Variants in MAP4K4 observed in about 807,000 individuals in gnomAD.
MAP4K4 encodes the protein mitogen-activated protein kinase kinase kinase kinase 4.
In MAP4K4, 38 loss-of-function variants were observed where a neutral mutation model predicts 189.6. The observed-to-expected ratio is 0.20, with a 90% confidence interval of 0.15 to 0.26. The LOEUF is 0.26. Among genes scored for constraint, MAP4K4 ranks in the 10% least tolerant of loss-of-function variants. The pLI, the probability that MAP4K4 is intolerant of heterozygous loss-of-function variation, is 1.00. For missense variants in MAP4K4, 1,054 were observed against 1,726.9 expected (o/e 0.61, Z 6.91); for synonymous variants, 610 against 624.3 (o/e 0.98, Z 0.34).
chr2:101,888,293 CAGAA>C (rs1307019350), intron 31 of MAP4K4, among the ~76,000 whole-genome samples: 2 of 152,132 alleles, frequency 1.3e-5, no homozygotes, highest in African/African-American at 4.8e-5. Context: ...TAAAGGGAGA[CAGAA>C]AGGGAAGTTA....
chr2:101,827,516 G>T (rs1429054331), intron 5 of MAP4K4, among the ~76,000 whole-genome samples: 1 of 152,152 alleles, frequency 6.6e-6, no homozygotes, highest in African/African-American at 2.4e-5. Context: ...GACAGTTGGG[G>T]TTAAACAATT....
chr2:101,888,850 G>A, exon 32 of MAP4K4: 1 of 1,613,538 alleles, frequency 6.2e-7, no homozygotes, highest in Non-Finnish European at 8.5e-7. Flanking sequence ...ATAGAGATCC[G>A]ATCTGTGGAA....
intron 2 of MAP4K4, among the ~76,000 whole-genome samples, chr2:101,775,219 G>A (rs955933791): frequency 6.6e-6 from 1 of 151,646 alleles, no homozygotes; most frequent in Non-Finnish European, 1.5e-5. Context: ...GGGACAGCTG[G>A]CCTATATCCA....
intron 2 of MAP4K4, among the ~76,000 whole-genome samples, chr2:101,773,996 T>G (rs2082708523): frequency 6.6e-6 from 1 of 152,224 alleles, no homozygotes; most frequent in Non-Finnish European, 1.5e-5. Flanking sequence ...AAATCTTAGC[T>G]ATTGTGAACA....
At chr2:101,708,318 C>T (rs1183775680) in intron 2 of MAP4K4, among the ~76,000 whole-genome samples, 1 of 152,098 alleles carries the variant, frequency 6.6e-6, no homozygotes, top group Non-Finnish European at 1.5e-5. Context: ...AGAACAATAA[C>T]AATACCAACA....
chr2:101,703,647 T>G (rs1014558000), intron 2 of MAP4K4, among the ~76,000 whole-genome samples: 10,035 of 82,858 alleles, frequency 0.12, no homozygotes, highest in Middle Eastern at 0.19. Flanking sequence ...AAGGCGGGGG[T>G]GGGGTGGTTA....
intron 2 of MAP4K4, 107 bp downstream of exon 2, chr2:101,698,645 C>A: frequency 1.9e-6 from 2 of 1,050,868 alleles, no homozygotes; most frequent in Non-Finnish European, 2.9e-6. Flanking sequence ...CGCCGCTTGG[C>A]CAAAGTTGGG....
intron 2 of MAP4K4, among the ~76,000 whole-genome samples, chr2:101,761,861 A>G (rs1046816027): frequency 1.3e-5 from 2 of 152,144 alleles, no homozygotes; most frequent in African/African-American, 2.4e-5. Flanking sequence ...CCCGCTGAGT[A>G]TGGGAGCATT....
At chr2:101,786,725 A>G (rs927814251) in intron 2 of MAP4K4, among the ~76,000 whole-genome samples, 1 of 152,190 alleles carries the variant, frequency 6.6e-6, no homozygotes, top group African/African-American at 2.4e-5. Flanking sequence ...TCCTGCTGCC[A>G]TTGTATCGTG....
rs2096303335 is a variant in MAP4K4, at chr2:101,825,439, G to C, written c.417+10G>C. 1 of 1,584,688 alleles carries C rather than the reference G, an allele frequency of 6.3e-7. No homozygotes were observed. Among genetic ancestry groups the C allele is most frequent in the Admixed American group, 1.7e-5 (1 of 59,516 alleles). ...CAGAGAAATCCTGAGGGTAAGGAAA[G>C]TGGGTGGCTACAGTGCTCCAACTCA... On this transcript the variant is annotated intron_variant, in intron 5 of 32. Coordinates refer to ENST00000324219, the Ensembl canonical transcript of MAP4K4.
At chr2:101,867,175 A>G (rs2097843487) in intron 19 of MAP4K4, 37 bp from the exon 20 acceptor site, 1 of 1,338,220 alleles carries the variant, frequency 7.5e-7, no homozygotes, top group Non-Finnish European at 1.1e-6. Flanking sequence ...ATATGTTGAT[A>G]TGTGTCTGTC....
At chr2:101,705,256 A>T (rs1000749595) in intron 2 of MAP4K4, among the ~76,000 whole-genome samples, 1 of 152,200 alleles carries the variant, frequency 6.6e-6, no homozygotes, top group Non-Finnish European at 1.5e-5. Context: ...TGAGAGTTAG[A>T]TACACAGTGG....
intron 2 of MAP4K4, among the ~76,000 whole-genome samples, chr2:101,748,335 T>C (rs185199587): frequency 9.5e-4 from 144 of 152,354 alleles, no homozygotes; most frequent in African/African-American, 3.4e-3. Flanking sequence ...CAAATGCTTC[T>C]GGTATTTGCC....
chr2:101,772,777 C>T lies in MAP4K4; in HGVS notation c.124-17943C>T, dbSNP rs200549907. Among the ~76,000 whole-genome samples, 22 of 152,282 alleles carry T rather than the reference C, an allele frequency of 1.4e-4. No individual in the cohort carries two copies. The East Asian group carries it at 3.1e-3, about 21-fold the overall frequency. ...ATTAACATTTCTTTATCTTGCCCCG[C>T]GCCTGGGCACTGTGCTAAACCTCAC... On this transcript the variant is annotated intron_variant, in intron 2 of 32. Coordinates refer to ENST00000324219, the Ensembl canonical transcript of MAP4K4.
Position 101,790,574 on chromosome 2 carries a change from A to C in MAP4K4, c.124-146A>C. 13 of 633,448 alleles carry C rather than the reference A, an allele frequency of 2.1e-5. No homozygotes were observed. In the South Asian group the frequency reaches 2.4e-4, roughly 11 times the overall value. The allele number at this position is 633,448 out of a possible 1,614,324, so 39.2% of individuals were successfully genotyped here. ...TATAAACCATATTGTTGTATTGGAGAGCACAGGACTATTTCGTCATCACTT... is the reference window on the plus strand; with the variant it reads ...TATAAACCATATTGTTGTATTGGAGCGCACAGGACTATTTCGTCATCACTT... On this transcript the variant is annotated intron_variant, in intron 2 of 32. Transcript: ENST00000324219.
chr2:101,869,004 T>C (rs893216932), intron 21 of MAP4K4, among the ~76,000 whole-genome samples: 2 of 152,114 alleles, frequency 1.3e-5, no homozygotes, highest in African/African-American at 4.8e-5. Flanking sequence ...TTAAAGAGTT[T>C]TGGGAGGGAA....
chr2:101,887,144 C>T, exon 30 of MAP4K4: 1 of 1,606,878 alleles, frequency 6.2e-7, no homozygotes, highest in Non-Finnish European at 8.5e-7. Flanking sequence ...TTGAGGAAGG[C>T]CAGAGGTTGA....
At chr2:101,834,444 G>A in exon 8 of MAP4K4, 1 of 1,609,788 alleles carries the variant, frequency 6.2e-7, no homozygotes, top group Non-Finnish European at 8.5e-7. Context: ...CAGCCATTGA[G>A]ATGGCAGAAG....
In MAP4K4 at chr2:101,767,244, C is replaced by CAG. The variant is rs760011938; in HGVS notation, c.124-23475_124-23474dup. 6.9e-4 allele frequency among the ~76,000 whole-genome samples: 105 copies of CAG among 152,338 alleles called. No homozygotes were observed. The Middle Eastern group carries it at 0.017, about 25-fold the overall frequency. ...GACTCAATCTGGTGAGAAAAAGCCA[C>CAG]AGTGGCATGTTTGGTATCCTCCTTT... is the stretch of plus-strand genomic sequence containing the variant. On this transcript the variant is annotated intron_variant, in intron 2 of 32. Transcript: ENST00000324219.
Sources: allele counts gnomAD v4.1 joint callset (sites outside exome capture counted in the v4.1 genomes callset), GRCh38; gene constraint gnomAD v4.1.1; transcripts MANE v1.5; gene names NCBI Gene and HGNC (gene_info 2026-07-23, HGNC 2026-07-21).